PRKCZ: variants seen among roughly 807,000 people sequenced by gnomAD.
The protein encoded by PRKCZ is protein kinase C zeta, also known as protein kinase C zeta type.
Under a neutral mutation model 79.5 loss-of-function variants are expected in PRKCZ, and 33 were observed. The ratio of observed to expected loss-of-function variants is 0.41; its 90% confidence interval spans 0.31 to 0.55. PRKCZ has a LOEUF of 0.55. Ranked by LOEUF, PRKCZ falls within the 20% of genes least tolerant of loss-of-function variation. The pLI is 0.19. For missense variants in PRKCZ, 578 were observed against 813.5 expected, an observed-to-expected ratio of 0.71 and a Z score of 3.52; for synonymous variants, 342 against 320.9, an observed-to-expected ratio of 1.07 and a Z score of -0.70.
At chr1:2,162,437 C>G (rs991545003) in intron 10 of PRKCZ, among the ~76,000 whole-genome samples, 1 of 152,220 alleles carries the variant, frequency 6.6e-6, no homozygotes, top group East Asian at 1.9e-4. Flanking sequence ...TGGCCCGAAA[C>G]TGGCATTTTC....
chr1:2,128,572 T>C lies in PRKCZ; in HGVS notation c.335-6690T>C, dbSNP rs1229588924. 1.3e-5 allele frequency among the ~76,000 whole-genome samples: 2 copies of C among 152,226 alleles called. No homozygotes were observed. The highest frequency in any genetic ancestry group is 4.8e-5 in the African/African-American group (2 of 41,462). ...AGACACGCACAGAGCTCCTTGAGGTTGTCGGAGTTAAGGCTGAAAGAGGAG... is the reference window on the plus strand; with the variant it reads ...AGACACGCACAGAGCTCCTTGAGGTCGTCGGAGTTAAGGCTGAAAGAGGAG... On this transcript the variant is annotated intron_variant, in intron 4 of 17. Coordinates refer to ENST00000378567, the MANE Select transcript of PRKCZ (RefSeq NM_002744.6). This position sits in a 1 kb window ranked among gnomAD's most constrained non-coding sequence, Gnocchi z 6.5.
chr1:2,161,561 C>T (rs1324921009), intron 10 of PRKCZ, among the ~76,000 whole-genome samples: 1 of 152,220 alleles, frequency 6.6e-6, no homozygotes, highest in Non-Finnish European at 1.5e-5. Flanking sequence ...ACAGGCCACA[C>T]AGGACTGTGC....
intron 4 of PRKCZ, chr1:2,074,176 G>A (rs1051077499): frequency 6.5e-7 from 1 of 1,549,852 alleles, no homozygotes; most frequent in African/African-American, 1.4e-5. Flanking sequence ...AGAGGCTGTT[G>A]TTTTGCGGGT....
intron 4 of PRKCZ, among the ~76,000 whole-genome samples, chr1:2,105,819 G>A (rs1343995605): frequency 6.6e-6 from 1 of 152,248 alleles, no homozygotes; most frequent in East Asian, 1.9e-4. Context: ...ATGACCAGGT[G>A]ATGCCGGGAA....
intron 4 of PRKCZ, among the ~76,000 whole-genome samples, chr1:2,112,079 C>A (rs1669849670): frequency 6.6e-6 from 1 of 152,192 alleles, no homozygotes; most frequent in Non-Finnish European, 1.5e-5. Flanking sequence ...CCAAGTGTTT[C>A]CCAAACTGAG....
chr1:2,092,745 G>C (rs1242460174), intron 4 of PRKCZ, among the ~76,000 whole-genome samples: 2 of 152,180 alleles, frequency 1.3e-5, no homozygotes, highest in Non-Finnish European at 2.9e-5. Context: ...TGGTGTATCC[G>C]AGGCAGCTGG....
intron 4 of PRKCZ, among the ~76,000 whole-genome samples, chr1:2,111,503 G>A (rs1299143726): frequency 6.6e-6 from 1 of 152,064 alleles, no homozygotes; most frequent in Non-Finnish European, 1.5e-5. Context: ...AGGCGGACAG[G>A]GAGGGGCTGG....
intron 4 of PRKCZ, among the ~76,000 whole-genome samples, chr1:2,124,291 CGTCACGGTGGTAGTTAGG>C (rs1673364314): frequency 2.9e-4 from 1 of 3,424 alleles, no homozygotes; most frequent in Non-Finnish European, 4.9e-4. Flanking sequence ...CTGTAGTTAG[CGTCACGGTGGTAGTTAGG>C]GTCACGGTGG....
At chr1:2,124,598 C>T (rs1463048966) in intron 4 of PRKCZ, among the ~76,000 whole-genome samples, 8 of 152,108 alleles carry the variant, frequency 5.3e-5, no homozygotes, top group Non-Finnish European at 7.4e-5. Context: ...ACTCCAGCCT[C>T]GGAAACATGA....
At chr1:2,167,781 CTT>C (rs888171104) in intron 10 of PRKCZ, among the ~76,000 whole-genome samples, 12 of 152,182 alleles carry the variant, frequency 7.9e-5, no homozygotes, top group African/African-American at 2.9e-4. Flanking sequence ...ATTTTTGTAT[CTT>C]TAGTAGAGAT....
chr1:2,069,143 C>T (rs185304331), intron 4 of PRKCZ, among the ~76,000 whole-genome samples: 5 of 152,332 alleles, frequency 3.3e-5, no homozygotes, highest in South Asian at 4.1e-4. Flanking sequence ...CCAACCAATG[C>T]GACCCCCGGC....
intron 1 of PRKCZ, among the ~76,000 whole-genome samples, chr1:2,051,876 A>G (rs1156384552): frequency 6.6e-6 from 1 of 152,118 alleles, no homozygotes; most frequent in Non-Finnish European, 1.5e-5. Flanking sequence ...GGGCCTCTGC[A>G]GCTCCCCTGT....
intron 1 of PRKCZ, 116 bp downstream of exon 1, chr1:2,050,817 G>A: frequency 1.6e-6 from 1 of 644,266 alleles, no homozygotes. Context: ...AGGTCGCTGC[G>A]GGCCCGGGGC....
chr1:2,118,539 G>T (rs1008380898), intron 4 of PRKCZ, among the ~76,000 whole-genome samples: 2 of 151,442 alleles, frequency 1.3e-5, no homozygotes, highest in African/African-American at 4.9e-5. Context: ...AGGTTTCACC[G>T]TGTTAGCCAG....
intron 4 of PRKCZ, among the ~76,000 whole-genome samples, chr1:2,099,343 C>T (rs1286834888): frequency 6.6e-6 from 1 of 152,218 alleles, no homozygotes; most frequent in Non-Finnish European, 1.5e-5. Context: ...TTCATTCATC[C>T]CATGCCAGGC....
chr1:2,117,367 GT>G (rs56248139), intron 4 of PRKCZ, among the ~76,000 whole-genome samples: 41,760 of 147,310 alleles, frequency 0.28, 6,003 homozygotes, highest in Admixed American at 0.42. Flanking sequence ...TACTTTTACA[GT>G]TTTTTTTTTT....
At chr1:2,152,268 C>G (rs1310068676) in intron 9 of PRKCZ, among the ~76,000 whole-genome samples, 1 of 152,124 alleles carries the variant, frequency 6.6e-6, no homozygotes, top group African/African-American at 2.4e-5. Flanking sequence ...CGCGGTGGCT[C>G]ACACCTATAA....
At position 2,135,310 on chromosome 1, in the gene PRKCZ, C is replaced by T; in HGVS notation, c.383C>T (p.Ala128Val). 6.2e-7 allele frequency: 1 copy of T among 1,613,378 alleles called. No individual in the cohort carries two copies. Among genetic ancestry groups the T allele is most frequent in the Non-Finnish European group, 8.5e-7 (1 of 1,179,800 alleles). The stretch of plus-strand genomic sequence containing the variant: ...AGAAGATGGAGGAAGCTGTACCGTG[C>T]CAACGGCCACCTCTTCCAAGCCAAG... ...GARRWRKLYRANGHLFQAKRF... is the reference protein window; with the variant it reads ...GARRWRKLYRVNGHLFQAKRF... The change falls in exon 5 of 18, where the codon GCC becomes GTC. Residue 128 changes from alanine (A) to valine (V), a missense_variant. Ala to Val is a moderately conservative substitution (Grantham distance 64). Around this residue, in one of 4 missense-constraint regions of PRKCZ, gnomAD observed 228 missense variants for 211.6 expected, o/e 1.08. Transcript: ENST00000378567.
intron 1 of PRKCZ, among the ~76,000 whole-genome samples, chr1:2,053,171 G>A (rs1659846290): frequency 6.6e-6 from 1 of 151,778 alleles, no homozygotes; most frequent in Non-Finnish European, 1.5e-5. Context: ...TGTGGTCTCG[G>A]CCCACTGTAT....
Sources: gnomAD v4.1 joint callset for allele counts (sites outside exome capture counted in the v4.1 genomes callset) on GRCh38, gnomAD v4.1.1 for gene constraint, gnomAD v4.1.1 regional missense constraint, Gnocchi (gnomAD v3.1) non-coding constraint, MANE v1.5 for transcripts, NCBI Gene and HGNC (gene_info 2026-07-23, HGNC 2026-07-21) for gene names.